The following COL27A1 variants were observed in gnomAD, a reference collection of about 807,000 sequenced individuals.
COL27A1 encodes the protein collagen type XXVII alpha 1 chain.
COL27A1 carries 106 observed loss-of-function variants against 251.3 expected under a neutral mutation model. That is an observed-to-expected ratio of 0.42 (90% confidence interval 0.36 to 0.50). The LOEUF is 0.50. Ranked by LOEUF, COL27A1 falls within the 20% of genes least tolerant of loss-of-function variation. The pLI is 0.00. For missense variants in COL27A1, 2,325 were observed against 2,522.8 expected (o/e 0.92, Z 1.68); for synonymous variants, 1,000 against 986.3 (o/e 1.01, Z -0.26).
chr9:114,309,124 C>T (rs1829265678), intron 59 of COL27A1, 136 bp from the exon 60 acceptor site: 3 of 755,160 alleles, frequency 4.0e-6, no homozygotes, highest in East Asian at 4.9e-5. Flanking sequence ...CAAGTGGGCA[C>T]ATGTCTGGGA....
chr9:114,188,231 A>C (rs1828522375), intron 5 of COL27A1, among the ~76,000 whole-genome samples: 1 of 152,232 alleles, frequency 6.6e-6, no homozygotes, highest in Non-Finnish European at 1.5e-5. Flanking sequence ...CAGAGTATGC[A>C]GACATTTCTA....
intron 12 of COL27A1, among the ~76,000 whole-genome samples, chr9:114,216,676 A>G (rs1439690428): frequency 2.6e-5 from 4 of 152,146 alleles, no homozygotes; most frequent in Admixed American, 2.6e-4. Flanking sequence ...GATTTGTTCC[A>G]GCACCTTTAA....
intron 12 of COL27A1, among the ~76,000 whole-genome samples, chr9:114,215,664 C>A (rs777433532): frequency 1.3e-5 from 2 of 152,168 alleles, no homozygotes; most frequent in Non-Finnish European, 2.9e-5. Context: ...AGGAAGGATG[C>A]AGGTTAGACT....
intron 27 of COL27A1, among the ~76,000 whole-genome samples, chr9:114,257,009 C>T (rs1833964626): frequency 1.3e-5 from 2 of 152,200 alleles, no homozygotes; most frequent in South Asian, 4.1e-4. Flanking sequence ...AGCCCGGGTC[C>T]ACACCCTGCT....
At position 114,300,664 on chromosome 9, in the gene COL27A1, C is replaced by T. The variant is rs889704128; in HGVS notation, c.4678C>T (p.Pro1560Ser). Residue 1560 changes from proline to serine, a missense_variant, in exon 51 of 61, where the codon CCT becomes TCT. Physicochemically the swap from Pro to Ser is moderately conservative, Grantham distance 74. This residue lies in a region of COL27A1 where 327 missense variants were observed against 442.8 expected (regional missense o/e 0.74). Transcript: ENST00000356083. ...GDIGFKGIQGPRGPPGLMGKE... is the reference protein window; with the variant it reads ...GDIGFKGIQGSRGPPGLMGKE... ...CATTGGCTTCAAAGGCATCCAGGGC[C>T]CTCGGGGGCCACCTGGCTTGATGGT... is the stretch of plus-strand genomic sequence containing the variant. 2.6e-6 allele frequency: 4 copies of T among 1,516,276 alleles called. No homozygotes were observed. The highest frequency in any genetic ancestry group is 3.5e-6 in the Non-Finnish European group (4 of 1,135,240). 93.9% of individuals were successfully genotyped at this position (1,516,276 alleles called of 1,614,324 possible).
chr9:114,269,170 A>G (rs1834950489), intron 34 of COL27A1, 71 bp from the exon 35 acceptor site: 1 of 1,071,422 alleles, frequency 9.3e-7, no homozygotes, highest in Non-Finnish European at 1.3e-6. Context: ...AGCTGGTGGA[A>G]ACAGGAAGGG....
intron 18 of COL27A1, 23 bp downstream of exon 18, chr9:114,237,057 C>T (rs1216734882): frequency 8.9e-6 from 14 of 1,580,994 alleles, no homozygotes; most frequent in Middle Eastern, 1.7e-4. Context: ...TCCTCCAGCA[C>T]CCCCAAACCT....
intron 55 of COL27A1, 148 bp downstream of exon 55, chr9:114,301,865 C>T (rs1201203873): frequency 2.2e-6 from 2 of 926,890 alleles, no homozygotes; most frequent in South Asian, 1.6e-5. Flanking sequence ...TAGGGCATCC[C>T]CCGAACATTC....
In COL27A1 at chr9:114,264,911, C is replaced by G; in HGVS notation, c.3250-13C>G. 1.2e-6 allele frequency: 2 copies of G among 1,610,470 alleles called. No homozygotes were observed. Among genetic ancestry groups the G allele is most frequent in the Non-Finnish European group, 1.7e-6 (2 of 1,177,670 alleles). ...GCACCCTCTCCCACCTTCACGTGCT[C>G]TGCTTCCCACAGGGCCCTCCAGGAC... On this transcript the variant is annotated splice_polypyrimidine_tract_variant and intron_variant, in intron 29 of 60. Coordinates refer to ENST00000356083, the MANE Select transcript of COL27A1 (RefSeq NM_032888.4).
At chr9:114,177,983 T>C (rs565512578) in intron 3 of COL27A1, among the ~76,000 whole-genome samples, 45 of 152,334 alleles carry the variant, frequency 3.0e-4, no homozygotes, top group Non-Finnish European at 5.6e-4. Flanking sequence ...CCAAGTAAGA[T>C]AGCGGTCTTT....
At chr9:114,260,480 G>A (rs774342375) in intron 28 of COL27A1, among the ~76,000 whole-genome samples, 4 of 152,174 alleles carry the variant, frequency 2.6e-5, no homozygotes, top group Middle Eastern at 3.2e-3. Flanking sequence ...ATCAGCTCCC[G>A]GTTTGCCCTG....
chr9:114,168,840 A>T lies in COL27A1; in HGVS notation c.1285A>T (p.Asn429Tyr). Residue 429 changes from asparagine to tyrosine, a missense_variant, in exon 3 of 61, where the codon AAC becomes TAC. By Grantham distance (143) the Asn-to-Tyr change is moderately radical (BLOSUM62 -2). Coordinates refer to ENST00000356083, the MANE Select transcript of COL27A1 (RefSeq NM_032888.4). ...SRPAEKPIQR[N>Y]PGMPRPPPPS... ...TCCCGCAGAGAAGCCCATCCAGAGGAACCCGGGAATGCCCAGGCCCCCACC... is the reference window on the plus strand; with the variant it reads ...TCCCGCAGAGAAGCCCATCCAGAGGTACCCGGGAATGCCCAGGCCCCCACC... 1 of 1,613,814 alleles carries T rather than the reference A, an allele frequency of 6.2e-7. No homozygotes were observed.
intron 36 of COL27A1, 133 bp from the exon 37 acceptor site, chr9:114,275,528 A>G: frequency 1.7e-6 from 1 of 600,162 alleles, no homozygotes; most frequent in Non-Finnish European, 2.9e-6. Context: ...TTGGCTGCAG[A>G]GGGAACTATC....
chr9:114,218,915 C>A (rs184830467), intron 12 of COL27A1, among the ~76,000 whole-genome samples: 138 of 151,552 alleles, frequency 9.1e-4, no homozygotes, highest in African/African-American at 3.2e-3. Context: ...TGAATCATAG[C>A]CCCAGCATTC....
chr9:114,170,037 A>G lies in COL27A1; in HGVS notation c.1908+574A>G, dbSNP rs757682694. ...TTCTTATAAAAAGACTCAGCAACCA[A>G]CTTCTCTTGGAAAGTGGGAGATGCG... On this transcript the variant is annotated intron_variant, in intron 3 of 60. Transcript: ENST00000356083. Among the ~76,000 whole-genome samples the G allele has an allele frequency of 2.6e-5, 4 of 152,290 alleles. No individual in the cohort carries two copies. In the East Asian group the frequency reaches 5.8e-4, roughly 22 times the overall value.
chr9:114,299,116 C>G (rs940756001), intron 49 of COL27A1, among the ~76,000 whole-genome samples: 1 of 152,120 alleles, frequency 6.6e-6, no homozygotes, highest in African/African-American at 2.4e-5. Flanking sequence ...AAATGGGACC[C>G]TCCCGAAGCC....
At chr9:114,188,140 G>A (rs1828515934) in intron 5 of COL27A1, among the ~76,000 whole-genome samples, 2 of 152,362 alleles carry the variant, frequency 1.3e-5, no homozygotes, top group South Asian at 4.1e-4. Flanking sequence ...TACCCCATAG[G>A]CAGTGTGCTG....
rs374816170 is a variant in COL27A1, at chr9:114,212,360, T to C, written c.2367+1334T>C. On this transcript the variant is annotated intron_variant, in intron 12 of 60. Transcript: ENST00000356083. ...AGTGATTATCTGTTCATCCCATGAA[T>C]ATCTGTTGAATGCCTGCTATGGGCC... Among the ~76,000 whole-genome samples the C allele has an allele frequency of 4.6e-5, 7 of 152,392 alleles. No homozygotes were observed. In the East Asian group the frequency reaches 9.6e-4, roughly 21 times the overall value.
intron 4 of COL27A1, among the ~76,000 whole-genome samples, chr9:114,178,768 GGAGTT>G (rs1225133238): frequency 6.6e-6 from 1 of 152,178 alleles, no homozygotes; most frequent in African/African-American, 2.4e-5. Context: ...CATGCGGGGA[GGAGTT>G]GAGTTCCTCC....
Sources: allele counts gnomAD v4.1 joint callset (sites outside exome capture counted in the v4.1 genomes callset), GRCh38; gene constraint gnomAD v4.1.1; regional missense constraint gnomAD v4.1.1; transcripts MANE v1.5; gene names NCBI Gene and HGNC (gene_info 2026-07-23, HGNC 2026-07-21).